Variants in NCS1 observed in about 807,000 individuals in gnomAD.
The protein encoded by NCS1 is neuronal calcium sensor 1.
In NCS1, 6 loss-of-function variants were observed where a neutral mutation model predicts 28.4. The ratio of observed to expected loss-of-function variants is 0.21; its 90% CI spans 0.12 to 0.42. The LOEUF is 0.42. NCS1 is among the 10% of genes least tolerant of loss of function. The pLI is 1.00. For missense variants in NCS1, 131 were observed against 241.4 expected, an observed-to-expected ratio of 0.54 and a Z score of 3.03; for synonymous variants, 86 against 99.3, an observed-to-expected ratio of 0.87 and a Z score of 0.79.
chr9:130,219,585 T>G lies in NCS1; in HGVS notation c.229-140T>G. 1 of 702,538 alleles carries G rather than the reference T, an allele frequency of 1.4e-6. No individual in the cohort carries two copies. Among genetic ancestry groups the G allele is most frequent in the Non-Finnish European group, 2.5e-6 (1 of 404,652 alleles). 43.5% of individuals were successfully genotyped at this position (702,538 alleles called of 1,614,324 possible). A position where few individuals can be genotyped will look rare whatever the true frequency, so the allele number is the denominator to read the frequency against. ...TCCTTGCCTCTCGCCCCCCATTCCT[T>G]CGAGCCTGCCCTCTCCACCTGAGTG... On this transcript the variant is annotated intron_variant, in intron 3 of 7. Coordinates refer to ENST00000372398, the MANE Select transcript of NCS1 (RefSeq NM_014286.4). The surrounding 1 kb of genome is among the most constrained non-coding windows in gnomAD (Gnocchi z 5.7).
intron 2 of NCS1, among the ~76,000 whole-genome samples, chr9:130,216,897 G>A (rs1347503736): frequency 6.6e-6 from 1 of 151,226 alleles, no homozygotes; most frequent in Non-Finnish European, 1.5e-5. Flanking sequence ...TCTGAGGAGT[G>A]CGTGTCCTCC....
intron 2 of NCS1, among the ~76,000 whole-genome samples, chr9:130,204,432 G>T (rs2131138606): frequency 6.6e-6 from 1 of 152,260 alleles, no homozygotes; most frequent in South Asian, 2.1e-4. Flanking sequence ...GGGACTACAG[G>T]CATTTACCAC....
At chr9:130,183,601 C>CA (rs1832695179) in intron 1 of NCS1, among the ~76,000 whole-genome samples, 1 of 152,186 alleles carries the variant, frequency 6.6e-6, no homozygotes, top group East Asian at 1.9e-4. Flanking sequence ...GGCTCCCCCA[C>CA]AGCCCTAGCC....
At chr9:130,197,984 A>G (rs1252033295) in intron 1 of NCS1, among the ~76,000 whole-genome samples, 4 of 134,776 alleles carry the variant, frequency 3.0e-5, no homozygotes, top group Non-Finnish European at 3.2e-5. Context: ...AAAAAAAAAA[A>G]GGCCCTCCAA....
chr9:130,227,022 C>CAAAAAAAAAAAAAAAAAAAAAAAGA (rs782338218), intron 7 of NCS1, among the ~76,000 whole-genome samples: 1 of 42,682 alleles, frequency 2.3e-5, no homozygotes, highest in Non-Finnish European at 4.6e-5. Context: ...GACTCCATCT[C>CAAAAAAAAAAAAAAAAAAAAAAAGA]AAAAAAAAAA....
intron 4 of NCS1, among the ~76,000 whole-genome samples, chr9:130,221,349 TAA>T (rs201916702): frequency 0.017 from 2,381 of 140,648 alleles, 63 homozygotes; most frequent in African/African-American, 0.052. Flanking sequence ...TATATATATA[TAA>T]AATATTTAAT....
In NCS1 at chr9:130,181,777, G is replaced by C. The variant is rs566256233; in HGVS notation, c.64+9050G>C. The stretch of plus-strand genomic sequence containing the variant: ...AGGGCGGGTGCTGCGGGGCACGTGG[G>C]CAAGTCCCGATTCACGTGGGCACGC... On this transcript the variant is annotated intron_variant, in intron 1 of 7. Transcript: ENST00000372398. This position sits in a 1 kb window ranked among gnomAD's most constrained non-coding sequence, Gnocchi z 5.0. Among the ~76,000 whole-genome samples the C allele has an allele frequency of 3.8e-4, 58 of 152,242 alleles. No individual in the cohort carries two copies. Among genetic ancestry groups the C allele is most frequent in the African/African-American group, 1.4e-3 (57 of 41,546 alleles).
In NCS1 at chr9:130,232,512, G is replaced by T. The variant is rs1291748582; in HGVS notation, c.*18-478G>T. On this transcript the variant is annotated intron_variant, in intron 7 of 7. Coordinates refer to ENST00000372398, the MANE Select transcript of NCS1 (RefSeq NM_014286.4). The surrounding 1 kb of genome is among the most constrained non-coding windows in gnomAD (Gnocchi z 4.4). ...TAAGGATAAATATAGGCTGGGCACG[G>T]TGGCTCACGCCTGTAATCCCAGCAC... is the stretch of plus-strand genomic sequence containing the variant. Among the ~76,000 whole-genome samples the T allele has an allele frequency of 6.6e-6, 1 of 152,214 alleles. No homozygotes were observed. Among genetic ancestry groups the T allele is most frequent in the Non-Finnish European group, 1.5e-5 (1 of 68,042 alleles).
chr9:130,203,080 G>A (rs1263579690), intron 2 of NCS1, among the ~76,000 whole-genome samples: 4 of 130,956 alleles, frequency 3.1e-5, no homozygotes, highest in Admixed American at 7.8e-5. Context: ...GTGTGTGTGT[G>A]TATACACATA....
intron 6 of NCS1, among the ~76,000 whole-genome samples, chr9:130,225,082 C>T (rs1419968784): frequency 6.6e-6 from 1 of 152,184 alleles, no homozygotes; most frequent in South Asian, 2.1e-4. Flanking sequence ...GTCCCAGCTA[C>T]TCGGGAGGCT....
chr9:130,210,391 T>G (rs1833097112), intron 2 of NCS1, among the ~76,000 whole-genome samples: 1 of 129,754 alleles, frequency 7.7e-6, no homozygotes, highest in Non-Finnish European at 1.6e-5. Context: ...AGAGTGAGAC[T>G]CAGTCTTAGA....
chr9:130,195,252 C>G (rs1272574223), intron 1 of NCS1, among the ~76,000 whole-genome samples: 3 of 152,160 alleles, frequency 2.0e-5, no homozygotes, highest in African/African-American at 7.2e-5. Flanking sequence ...CCAAGGCCCT[C>G]TCTGGACCGC....
rs566482718 is a variant in NCS1, at chr9:130,211,652, G to A, written c.90-6180G>A. 2.6e-5 allele frequency among the ~76,000 whole-genome samples: 4 copies of A among 152,222 alleles called. No individual in the cohort carries two copies. The East Asian group carries it at 7.8e-4, about 30-fold the overall frequency. The stretch of plus-strand genomic sequence containing the variant: ...TCTCCCCTTCCTGGTACCGAGCACA[G>A]AGGCAGCTCCCATTCTGGAGTATGG... On this transcript the variant is annotated intron_variant, in intron 2 of 7. Transcript: ENST00000372398.
At chr9:130,182,831 C>T (rs1224325137) in intron 1 of NCS1, among the ~76,000 whole-genome samples, 1 of 152,248 alleles carries the variant, frequency 6.6e-6, no homozygotes, top group Non-Finnish European at 1.5e-5. Flanking sequence ...GGCCATCCTG[C>T]CCTGCCCTGT....
chr9:130,231,933 G>T (rs1232664949), intron 7 of NCS1, among the ~76,000 whole-genome samples: 2 of 151,400 alleles, frequency 1.3e-5, no homozygotes, highest in African/African-American at 2.4e-5. Context: ...CCTCACTGTG[G>T]TTTTTTGTTG....
At chr9:130,190,032 A>AAGAG (rs34529294) in intron 1 of NCS1, among the ~76,000 whole-genome samples, 6,519 of 120,380 alleles carry the variant, frequency 0.054, 220 homozygotes, top group African/African-American at 0.062. Flanking sequence ...ATGTTTATGC[A>AAGAG]AGAGAGAGAG....
chr9:130,204,024 G>A (rs1390621525), intron 2 of NCS1, among the ~76,000 whole-genome samples: 1 of 151,816 alleles, frequency 6.6e-6, no homozygotes, highest in Non-Finnish European at 1.5e-5. Flanking sequence ...ACAGAGTCTC[G>A]CCTTGTTGCC....
chr9:130,172,912 C>G (rs1319788090), intron 1 of NCS1, among the ~76,000 whole-genome samples, 185 bp downstream of exon 1: 1 of 151,664 alleles, frequency 6.6e-6, no homozygotes, highest in African/African-American at 2.4e-5. Context: ...CCGCCCGGCC[C>G]CATTGTTCTG....
At chr9:130,211,889 T>G (rs1554908828) in intron 2 of NCS1, among the ~76,000 whole-genome samples, 1 of 152,036 alleles carries the variant, frequency 6.6e-6, no homozygotes, top group African/African-American at 2.4e-5. Context: ...AAGGCCCAGC[T>G]GGGGGATGGG....
Sources: allele counts gnomAD v4.1 joint callset (sites outside exome capture counted in the v4.1 genomes callset), GRCh38; gene constraint gnomAD v4.1.1; non-coding constraint Gnocchi (gnomAD v3.1); transcripts MANE v1.5; gene names NCBI Gene and HGNC (gene_info 2026-07-23, HGNC 2026-07-21).